The following SBNO1 variants were observed in gnomAD, a reference collection of about 807,000 sequenced individuals.
SBNO1 encodes strawberry notch homolog 1.
Under a neutral mutation model 173.6 loss-of-function variants are expected in SBNO1, and 23 were observed. That is an observed-to-expected ratio of 0.13 (90% CI 0.10 to 0.19). SBNO1 has a LOEUF of 0.19. Ranked by LOEUF, SBNO1 falls within the 10% of genes least tolerant of loss-of-function variation. The probability of loss-of-function intolerance (pLI) is 1.00; values close to 1 mark genes in which losing one functional copy is unlikely to be tolerated. For missense variants in SBNO1, 1,238 were observed against 1,671.2 expected (o/e 0.74, Z 4.52); for synonymous variants, 632 against 571.5 (o/e 1.11, Z -1.51).
At position 123,326,344 on chromosome 12, in the gene SBNO1, C is replaced by T. The variant is rs769847699; in HGVS notation, c.1693-10G>A. On this transcript the variant is annotated splice_polypyrimidine_tract_variant and intron_variant, in intron 13 of 31. Transcript: ENST00000602398. Reference sequence around the variant, plus strand: ...CTCTGGCGATGACCCACTGAAGATACATAATCAACATTTCAGACACTTCAT... The same window carrying T: ...CTCTGGCGATGACCCACTGAAGATATATAATCAACATTTCAGACACTTCAT... 60 of 1,557,042 alleles carry T rather than the reference C, an allele frequency of 3.9e-5. No homozygotes were observed. In the East Asian group the frequency reaches 1.3e-3, roughly 35 times the overall value.
chr12:123,347,701 G>C (rs1420324626), intron 3 of SBNO1, among the ~76,000 whole-genome samples: 1 of 151,822 alleles, frequency 6.6e-6, no homozygotes, highest in Non-Finnish European at 1.5e-5. Context: ...GCTAATTTTT[G>C]TATTTTTAGT....
Position 123,295,940 on chromosome 12 carries a change from G to T in SBNO1, c.4150C>A (p.Pro1384Thr), listed in dbSNP as rs747791618. The T allele has an allele frequency of 9.3e-6, 15 of 1,612,112 alleles. No individual in the cohort carries two copies. Among genetic ancestry groups the T allele is most frequent in the Non-Finnish European group, 7.6e-6 (9 of 1,178,330 alleles). Reference sequence around the variant, plus strand: ...TTGCTCAAGTTGGTGATGCTCTGAGGGTGATGCTGTTGCCATAGCTGTTTC... The same window carrying T: ...TTGCTCAAGTTGGTGATGCTCTGAGTGTGATGCTGTTGCCATAGCTGTTTC... Reference protein sequence around the residue: ...QQKQLWQQHHPQSITNLSNA With the variant: ...QQKQLWQQHHTQSITNLSNA The change falls in exon 32 of 32, where the codon CCT (proline) becomes ACT (threonine). Residue 1384 changes from proline (P) to threonine (T), a missense_variant. Around this residue, in one of 14 missense-constraint regions of SBNO1, gnomAD observed 351 missense variants for 420.3 expected, o/e 0.84. Transcript: ENST00000602398.
At chr12:123,319,851 A>C in intron 20 of SBNO1, 49 bp downstream of exon 20, 1 of 1,543,092 alleles carries the variant, frequency 6.5e-7, no homozygotes, top group Non-Finnish European at 8.9e-7. Context: ...CTTAATCTAA[A>C]TATACAGGCA....
In SBNO1 at chr12:123,355,249, G is replaced by A. The variant is rs1874316930; in HGVS notation, c.1-4808C>T. Among the ~76,000 whole-genome samples the A allele has an allele frequency of 2.0e-5, 3 of 152,124 alleles. 1 individual carries two copies. Among genetic ancestry groups the A allele is most frequent in the South Asian group, 4.1e-4 (2 of 4,830 alleles). ...TTGGCCAGGATGGTCTCGATCTACT[G>A]ACCTCGTGATCCGCCCGCCTGGGCC... is the stretch of plus-strand genomic sequence containing the variant. On this transcript the variant is annotated intron_variant, in intron 1 of 31. Transcript: ENST00000602398.
intron 4 of SBNO1, among the ~76,000 whole-genome samples, chr12:123,342,383 A>G (rs10773011): frequency 0.95 from 144,888 of 152,094 alleles, 69,134 homozygotes; most frequent in Non-Finnish European, 0.96. Context: ...AACAGGAGGC[A>G]GAGCCTGCAA....
intron 5 of SBNO1, among the ~76,000 whole-genome samples, chr12:123,337,951 T>C (rs1208495547): frequency 6.6e-6 from 1 of 152,184 alleles, no homozygotes; most frequent in African/African-American, 2.4e-5. Flanking sequence ...TTGGTAATAC[T>C]GAAGGACCAC....
intron 5 of SBNO1, among the ~76,000 whole-genome samples, chr12:123,340,014 C>T (rs1593391303): frequency 6.6e-6 from 1 of 152,154 alleles, no homozygotes; most frequent in East Asian, 1.9e-4. Context: ...TCCATAAAGT[C>T]CACCAGGCCA....
chr12:123,336,864 T>G (rs139047045), intron 5 of SBNO1, among the ~76,000 whole-genome samples: 58 of 152,334 alleles, frequency 3.8e-4, no homozygotes, highest in African/African-American at 1.4e-3. Flanking sequence ...AAGCAGTGTG[T>G]CTGGCTCTTC....
In SBNO1 at chr12:123,293,787, ATACACAGAAAAGAGGAGTTGG is replaced by A. The variant is rs1741503098; in HGVS notation, c.*2100_*2120del. ...CGCCATAAAAAACTAAGATGCCCTC[ATACACAGAAAAGAGGAGTTGG>A]GCCAACAGCCTGCGAGAGAAGATCC... On this transcript the variant is annotated 3_prime_UTR_variant, in exon 32 of 32. Coordinates refer to ENST00000602398, the MANE Select transcript of SBNO1 (RefSeq NM_001167856.3). The A allele has an allele frequency of 6.6e-6, 1 of 152,222 alleles. No homozygotes were observed. The highest frequency in any genetic ancestry group is 1.5e-5 in the Non-Finnish European group (1 of 68,038). The allele number at this position is 152,222 out of a possible 1,614,324, so 9.4% of individuals were successfully genotyped here.
In SBNO1 at chr12:123,296,021, G is replaced by A. The variant is rs2048586629; in HGVS notation, c.4069C>T (p.Pro1357Ser). Residue 1357 changes from proline to serine, a missense_variant, in exon 32 of 32, where the codon CCT (proline) becomes TCT (serine). Coordinates refer to ENST00000602398, the MANE Select transcript of SBNO1 (RefSeq NM_001167856.3). ...GLIIPANCVS[P>S]LVNLLSTSDQ... ...GAAGTTGATAGGAGATTTACAAGAG[G>A]AGACACACAATTTGCCGGAATGATC... is the stretch of plus-strand genomic sequence containing the variant. 6.2e-7 allele frequency: 1 copy of A among 1,613,744 alleles called. No homozygotes were observed. Among genetic ancestry groups the A allele is most frequent in the South Asian group, 1.1e-5 (1 of 91,074 alleles).
At chr12:123,321,489 C>A (rs778681868) in intron 17 of SBNO1, 46 bp downstream of exon 17, 2 of 1,350,462 alleles carry the variant, frequency 1.5e-6, no homozygotes, top group South Asian at 1.2e-5. Context: ...TTCAAATATA[C>A]TGAAATATTA....
rs1870518156 is a variant in SBNO1 at position 123,325,527 on chromosome 12, A to G, written c.1948T>C (p.Leu650=). 6.2e-7 allele frequency: 1 copy of G among 1,612,942 alleles called. No homozygotes were observed. Among genetic ancestry groups the G allele is most frequent in the Non-Finnish European group, 8.5e-7 (1 of 1,179,126 alleles). The change falls in exon 15 of 32, where the codon TTG becomes CTG. Residue 650 remains leucine, a synonymous_variant. Transcript: ENST00000602398. ...LEALEEGGGE[L]NDFVSTAKGV... ...TTGGCAGTTGAAACAAAATCATTCAATTCTCCCCCGCCCTCTTCCAAAGCT... is the reference window on the plus strand; with the variant it reads ...TTGGCAGTTGAAACAAAATCATTCAGTTCTCCCCCGCCCTCTTCCAAAGCT...
intron 15 of SBNO1, among the ~76,000 whole-genome samples, chr12:123,324,955 G>A (rs76461010): frequency 6.6e-6 from 1 of 151,780 alleles, no homozygotes; most frequent in African/African-American, 2.4e-5. Context: ...ACTACAGGAC[G>A]TGTGCCACCA....
chr12:123,351,047 A>C (rs1873812883), intron 1 of SBNO1, among the ~76,000 whole-genome samples: 1 of 152,162 alleles, frequency 6.6e-6, no homozygotes, highest in African/African-American at 2.4e-5. Context: ...CACTTGAACC[A>C]AGAGGTGGAG....
At position 123,302,897 on chromosome 12, in the gene SBNO1, C is replaced by T. The variant is rs940348850; in HGVS notation, c.3772G>A (p.Val1258Ile). 15 of 1,610,220 alleles carry T rather than the reference C, an allele frequency of 9.3e-6. No individual in the cohort carries two copies. The highest frequency in any genetic ancestry group is 3.3e-5 in the Admixed American group (2 of 59,926). The part of the protein sequence containing the change: ...ADLKKKYKKV[V>I]SDDALMHWLD... ...CAGTGCATCAGGGCATCATCTGAGA[C>T]GACCTGTAAAAATGAGAAGAATTTC... Residue 1258 changes from valine (V) to isoleucine (I), a missense_variant, in exon 30 of 32, where the codon GTC (valine) becomes ATC (isoleucine). This residue lies in a region of SBNO1 where 351 missense variants were observed against 420.3 expected (regional missense o/e 0.84). Coordinates refer to ENST00000602398, the MANE Select transcript of SBNO1 (RefSeq NM_001167856.3).
In SBNO1 at chr12:123,364,757, G is replaced by T; in HGVS notation, c.-57C>A. ...CCTCCCGGGAGGTGTGAGTTTGAAG[G>T]ACCAGAGGCGACTGGAGCGGAGGCG... On this transcript the variant is annotated 5_prime_UTR_variant, in exon 1 of 32. Transcript: ENST00000602398. The T allele has an allele frequency of 1.0e-6, 1 of 989,318 alleles. No individual in the cohort carries two copies. Among genetic ancestry groups the T allele is most frequent in the South Asian group, 4.5e-5 (1 of 22,050 alleles). 61.3% of individuals were successfully genotyped at this position (989,318 alleles called of 1,614,324 possible).
At chr12:123,357,244 C>G (rs1284457088) in intron 1 of SBNO1, among the ~76,000 whole-genome samples, 1 of 151,312 alleles carries the variant, frequency 6.6e-6, no homozygotes, top group African/African-American at 2.4e-5. Context: ...GTCAGGAGTT[C>G]GAGACCTGAC....
At chr12:123,358,796 G>GAA (rs1420738257) in intron 1 of SBNO1, among the ~76,000 whole-genome samples, 1 of 150,158 alleles carries the variant, frequency 6.7e-6, no homozygotes, top group Non-Finnish European at 1.5e-5. Context: ...ACAACAAAGG[G>GAA]AGCTTGGAAT....
intron 17 of SBNO1, 58 bp from the exon 18 acceptor site, chr12:123,320,924 C>T (rs889746095): frequency 4.6e-6 from 6 of 1,312,706 alleles, no homozygotes; most frequent in Non-Finnish European, 6.2e-6. Flanking sequence ...ACAGAATCTT[C>T]AAAGGAAACA....
Sources: allele counts gnomAD v4.1 joint callset (sites outside exome capture counted in the v4.1 genomes callset), GRCh38; gene constraint gnomAD v4.1.1; regional missense constraint gnomAD v4.1.1; transcripts MANE v1.5; gene names NCBI Gene and HGNC (gene_info 2026-07-23, HGNC 2026-07-21).